CHID1: variants seen among roughly 807,000 people sequenced by gnomAD.
The protein encoded by CHID1 is chitinase domain containing 1.
CHID1 carries 44 observed loss-of-function variants against 55.4 expected under a neutral mutation model. The observed-to-expected ratio is 0.79, with a 90% CI of 0.62 to 1.02. CHID1 has a LOEUF of 1.02. CHID1 is among the 50% of genes least tolerant of loss of function. The probability of loss-of-function intolerance (pLI) is 0.00; values close to 1 mark genes in which losing one functional copy is unlikely to be tolerated. For synonymous variants in CHID1, 216 were observed against 212.9 expected, an observed-to-expected ratio of 1.01 and a Z score of -0.13; for missense variants, 491 against 515.3, an observed-to-expected ratio of 0.95 and a Z score of 0.46.
chr11:882,240 G>A (rs548164045), intron 10 of CHID1: 13 of 152,210 alleles, frequency 8.5e-5, no homozygotes, highest in Non-Finnish European at 1.9e-4. Context: ...CAGGAGAATG[G>A]CGTGAACCCG....
At chr11:876,353 G>T (rs999069006) in intron 10 of CHID1, among the ~76,000 whole-genome samples, 1 of 152,206 alleles carries the variant, frequency 6.6e-6, no homozygotes, top group Non-Finnish European at 1.5e-5. Context: ...GGGTGCAGAT[G>T]AACAGTGCAG....
At position 870,461 on chromosome 11, in the gene CHID1, A is replaced by G; in HGVS notation, c.998T>C (p.Val333Ala). Residue 333 changes from valine to alanine, a missense_variant, in exon 11 of 13, where the codon GTG (valine) becomes GCG (alanine). Coordinates refer to ENST00000323578, the MANE Select transcript of CHID1 (RefSeq NM_023947.4). ...QTLKDHRPRM[V>A]WDSQASEHFF... ...GTGCTCTGAGGCCTGGCTGTCCCAC[A>G]CCATCCGGGGCCTGTGGTCCTTCAG... The G allele has an allele frequency of 6.2e-7, 1 of 1,612,242 alleles. No homozygotes were observed. The highest frequency in any genetic ancestry group is 8.5e-7 in the Non-Finnish European group (1 of 1,179,454).
Position 893,531 on chromosome 11 carries a change from G to T in CHID1, c.609-12C>A. ...TGTGGATGAGGCCCCTGCAAGAACC[G>T]AGAGATGGGGTCAGCAGTGCCTGGC... On this transcript the variant is annotated splice_polypyrimidine_tract_variant and intron_variant, in intron 7 of 12. Transcript: ENST00000323578. The T allele has an allele frequency of 6.5e-7, 1 of 1,542,526 alleles. No homozygotes were observed. The highest frequency in any genetic ancestry group is 1.8e-4 in the Middle Eastern group (1 of 5,544).
chr11:870,371 C>A (rs1304750588), intron 11 of CHID1, 48 bp downstream of exon 11: 1 of 1,507,800 alleles, frequency 6.6e-7, no homozygotes, highest in Admixed American at 1.8e-5. Context: ...CCCAGGGCCC[C>A]TCCCTGCACA....
chr11:869,772 CG>C lies in CHID1; in HGVS notation c.*85del. The stretch of plus-strand genomic sequence containing the variant: ...ACTGCAGCAGACCCGTCACAGCAAA[CG>C]GAGTGGAGGCCTGTATTTCACACCT... On this transcript the variant is annotated 3_prime_UTR_variant, in exon 13 of 13. Coordinates refer to ENST00000323578, the MANE Select transcript of CHID1 (RefSeq NM_023947.4). 8.3e-7 allele frequency: 1 copy of C among 1,205,196 alleles called. No individual in the cohort carries two copies. Among genetic ancestry groups the C allele is most frequent in the Non-Finnish European group, 1.2e-6 (1 of 814,048 alleles). 74.7% of individuals were successfully genotyped at this position (1,205,196 alleles called of 1,614,324 possible).
intron 1 of CHID1, chr11:908,589 T>C: frequency 1.0e-6 from 1 of 985,476 alleles, no homozygotes. Flanking sequence ...GCACCCAGTC[T>C]TTGACCCCAG....
intron 1 of CHID1, among the ~76,000 whole-genome samples, chr11:905,828 T>G (rs1187431874): frequency 6.6e-6 from 1 of 152,064 alleles, no homozygotes; most frequent in Non-Finnish European, 1.5e-5. Context: ...TGGGAGAGAT[T>G]AGGAAAGAAA....
intron 1 of CHID1, among the ~76,000 whole-genome samples, chr11:906,101 A>AT (rs1852192643): frequency 6.6e-6 from 1 of 152,022 alleles, no homozygotes; most frequent in Admixed American, 6.6e-5. Flanking sequence ...CACCTGGCTA[A>AT]TTTTTGTATT....
chr11:904,704 AC>A lies in CHID1; in HGVS notation c.111+1del, dbSNP rs749131225. The A allele has an allele frequency of 1.6e-5, 26 of 1,613,894 alleles. No homozygotes were observed. The highest frequency in any genetic ancestry group is 2.2e-5 in the Non-Finnish European group (26 of 1,179,994). On this transcript the variant is annotated splice_donor_variant, in intron 2 of 12. Coordinates refer to ENST00000323578, the MANE Select transcript of CHID1 (RefSeq NM_023947.4). LOFTEE classifies it high-confidence loss of function. ...CACCTCAAGTCCCCAGGCCACCCTT[AC>A]CTTCTCCAGCAGCGTCTTTGAGGCG... is the stretch of plus-strand genomic sequence containing the variant.
Position 869,687 on chromosome 11 carries a change from G to A in CHID1, c.*171C>T, listed in dbSNP as rs1479197959. 1.6e-6 allele frequency: 1 copy of A among 640,966 alleles called. No individual in the cohort carries two copies. The highest frequency in any genetic ancestry group is 1.8e-5 in the African/African-American group (1 of 54,932). 39.7% of individuals were successfully genotyped at this position (640,966 alleles called of 1,614,324 possible). On this transcript the variant is annotated 3_prime_UTR_variant, in exon 13 of 13. Coordinates refer to ENST00000323578, the MANE Select transcript of CHID1 (RefSeq NM_023947.4). ...TGTCCCCCAGCTAGGACTCATCCAGGGCAGGGACCCCTCATGGGAGGATGG... is the reference window on the plus strand; with the variant it reads ...TGTCCCCCAGCTAGGACTCATCCAGAGCAGGGACCCCTCATGGGAGGATGG...
intron 5 of CHID1, among the ~76,000 whole-genome samples, chr11:900,421 T>C (rs4963180): frequency 0.42 from 64,495 of 152,062 alleles, 14,931 homozygotes; most frequent in Admixed American, 0.52. Flanking sequence ...GGACAGACTC[T>C]GGCTGCTCCA....
chr11:910,864 G>C, upstream of CHID1: 1 of 1,078,418 alleles, frequency 9.3e-7, no homozygotes, highest in South Asian at 2.2e-5. Context: ...CCCGCGCGCC[G>C]CCGCCGCGCA....
intron 3 of CHID1, among the ~76,000 whole-genome samples, chr11:902,611 G>A (rs1269630953): frequency 1.3e-5 from 2 of 152,222 alleles, no homozygotes; most frequent in African/African-American, 4.8e-5. Context: ...CAGGCTGGCA[G>A]CTGGGAACAG....
chr11:904,688 T>G lies in CHID1; in HGVS notation c.111+18A>C. ...CCTCAGCCAGTACAGTCACCTCAAG[T>G]CCCCAGGCCACCCTTACCTTCTCCA... On this transcript the variant is annotated intron_variant, in intron 2 of 12. Transcript: ENST00000323578. 1 of 1,613,776 alleles carries G rather than the reference T, an allele frequency of 6.2e-7. No homozygotes were observed.
intron 10 of CHID1, among the ~76,000 whole-genome samples, chr11:878,702 TTC>T (rs1849682875): frequency 6.6e-6 from 1 of 152,096 alleles, no homozygotes; most frequent in African/African-American, 2.4e-5. Context: ...GTCTTTTTTA[TTC>T]TTTTTTTTTT....
At chr11:880,727 C>T (rs887486772) in intron 10 of CHID1, among the ~76,000 whole-genome samples, 3 of 152,188 alleles carry the variant, frequency 2.0e-5, no homozygotes, top group Non-Finnish European at 2.9e-5. Flanking sequence ...GGCTGACACA[C>T]GCACACACCC....
upstream of CHID1, among the ~76,000 whole-genome samples, chr11:913,171 A>G (rs1317757484): frequency 6.7e-6 from 1 of 150,328 alleles, no homozygotes; most frequent in South Asian, 2.1e-4. Context: ...AAGTATCACA[A>G]TGAAATAAGG....
At chr11:908,897 G>C (rs1214056952) in intron 1 of CHID1, among the ~76,000 whole-genome samples, 5 of 152,236 alleles carry the variant, frequency 3.3e-5, no homozygotes, top group Admixed American at 3.3e-4. Context: ...GGAAAGGGTG[G>C]AAGAGGAAGA....
At chr11:880,703 G>A (rs931613604) in intron 10 of CHID1, among the ~76,000 whole-genome samples, 11 of 152,148 alleles carry the variant, frequency 7.2e-5, no homozygotes, top group Non-Finnish European at 1.3e-4. Context: ...GCCTGGCCTC[G>A]GCTCACCTGC....
Sources: gnomAD v4.1 joint callset for allele counts (sites outside exome capture counted in the v4.1 genomes callset) on GRCh38, gnomAD v4.1.1 for gene constraint, MANE v1.5 for transcripts, NCBI Gene and HGNC (gene_info 2026-07-23, HGNC 2026-07-21) for gene names.